The following TTC6 variants were observed in gnomAD, a reference collection of about 807,000 sequenced individuals.
TTC6 encodes tetratricopeptide repeat protein 6.
Under a neutral mutation model 210.4 loss-of-function variants are expected in TTC6, and 172 were observed. The ratio of observed to expected loss-of-function variants is 0.82; its 90% CI spans 0.72 to 0.93. The LOEUF is 0.93. Ranked by LOEUF, TTC6 falls within the 40% of genes least tolerant of loss-of-function variation. The pLI, the probability that TTC6 is intolerant of heterozygous loss-of-function variation, is 0.00. For synonymous variants in TTC6, 804 were observed against 819.6 expected (o/e 0.98, Z 0.32); for missense variants, 2,414 against 2,318.1 (o/e 1.04, Z -0.85).
upstream of TTC6, among the ~76,000 whole-genome samples, chr14:37,619,683 T>C (rs1595017924): frequency 6.6e-6 from 1 of 152,176 alleles, no homozygotes; most frequent in African/African-American, 2.4e-5. Flanking sequence ...AGTGTAGCTA[T>C]TGATTTTAGC....
rs528890428 is a variant in TTC6 at position 37,659,661 on chromosome 14, C to T, written c.940-20490C>T. ...CCAGCCTCCCGAACAACTGGGATTACAGGCACATGCTACCATGTCCAGCTA... is the reference window on the plus strand; with the variant it reads ...CCAGCCTCCCGAACAACTGGGATTATAGGCACATGCTACCATGTCCAGCTA... On this transcript the variant is annotated intron_variant, in intron 1 of 30. Coordinates refer to ENST00000553443, the Ensembl canonical transcript of TTC6. 2.6e-5 allele frequency among the ~76,000 whole-genome samples: 4 copies of T among 152,224 alleles called. No individual in the cohort carries two copies. In the South Asian group the frequency reaches 8.3e-4, roughly 32 times the overall value.
exon 1 of TTC6, chr14:37,622,326 G>C: frequency 1.3e-6 from 2 of 1,533,326 alleles, no homozygotes; most frequent in South Asian, 1.2e-5. Flanking sequence ...GTCCGCGGCC[G>C]CCCTCCTGCA....
chr14:37,726,163 A>G (rs563656206), intron 7 of TTC6, among the ~76,000 whole-genome samples: 25 of 151,948 alleles, frequency 1.6e-4, no homozygotes, highest in Non-Finnish European at 3.4e-4. Flanking sequence ...ATTCAGGATT[A>G]TTTTATTTGC....
At chr14:37,691,191 G>A (rs2095802962) in intron 3 of TTC6, among the ~76,000 whole-genome samples, 1 of 152,048 alleles carries the variant, frequency 6.6e-6, no homozygotes, top group African/African-American at 2.4e-5. Flanking sequence ...TTAGCCAGGT[G>A]TGCTGATGCA....
intron 24 of TTC6, among the ~76,000 whole-genome samples, chr14:37,809,348 G>A (rs1333240509): frequency 6.7e-6 from 1 of 148,442 alleles, no homozygotes; most frequent in African/African-American, 2.5e-5. Flanking sequence ...CGCCTCCCGG[G>A]TTCACGCCAT....
At chr14:37,673,509 G>C (rs553045650) in intron 1 of TTC6, among the ~76,000 whole-genome samples, 29 of 152,174 alleles carry the variant, frequency 1.9e-4, no homozygotes, top group South Asian at 4.1e-4. Context: ...GTGTCATTTG[G>C]GGAGAACCTG....
chr14:37,771,959 T>C (rs1403614180), intron 14 of TTC6, among the ~76,000 whole-genome samples: 2 of 152,188 alleles, frequency 1.3e-5, no homozygotes, highest in Admixed American at 6.5e-5. Context: ...TCTTTGATGA[T>C]GGTGATGTAC....
At chr14:37,666,571 A>G (rs555452431) in intron 1 of TTC6, among the ~76,000 whole-genome samples, 2 of 150,016 alleles carry the variant, frequency 1.3e-5, no homozygotes, top group East Asian at 3.9e-4. Context: ...CACCGAGGAG[A>G]TTTCTTGCTT....
At chr14:37,777,020 C>T (rs2096039847) in intron 14 of TTC6, among the ~76,000 whole-genome samples, 1 of 152,094 alleles carries the variant, frequency 6.6e-6, no homozygotes, top group Non-Finnish European at 1.5e-5. Flanking sequence ...CATTAGCTAC[C>T]TTTAGCATTT....
intron 18 of TTC6, 98 bp from the exon 21 acceptor site, chr14:37,796,195 TG>T: frequency 1.9e-6 from 1 of 519,624 alleles, no homozygotes; most frequent in Non-Finnish European, 3.4e-6. Flanking sequence ...TAAATAAGAA[TG>T]AATATATTGT....
At chr14:37,724,503 T>C (rs1481963412) in intron 6 of TTC6, among the ~76,000 whole-genome samples, 1 of 152,208 alleles carries the variant, frequency 6.6e-6, no homozygotes, top group East Asian at 1.9e-4. Context: ...ACTCTATTAA[T>C]GGACATTTAG....
chr14:37,769,353 A>T (rs1335377993), intron 14 of TTC6, among the ~76,000 whole-genome samples: 3 of 151,390 alleles, frequency 2.0e-5, no homozygotes, highest in Admixed American at 6.6e-5. Context: ...TTTTCTATTG[A>T]TTGGAATAGT....
In TTC6 at chr14:37,792,466, G is replaced by T. The variant is rs4627237; in HGVS notation, c.3708+52G>T. ...TTTTTAAAAAAACTTTAATTTTCTG[G>T]ATATTTGTTCAACATAATTTTAATA... On this transcript the variant is annotated intron_variant, in intron 17 of 30. Transcript: ENST00000553443. 1,214 of 1,367,324 alleles carry T rather than the reference G, an allele frequency of 8.9e-4. 12 individuals are homozygous for T. In the African/African-American group the frequency reaches 0.016, roughly 18 times the overall value. 84.7% of individuals were successfully genotyped at this position (1,367,324 alleles called of 1,614,324 possible). A position where few individuals can be genotyped will look rare whatever the true frequency, so the allele number is the denominator to read the frequency against.
At chr14:37,831,426 T>C (rs1400678079) in intron 29 of TTC6, among the ~76,000 whole-genome samples, 1 of 152,142 alleles carries the variant, frequency 6.6e-6, no homozygotes, top group African/African-American at 2.4e-5. Context: ...TTTCCTTTGT[T>C]ATGGATATAT....
At chr14:37,654,319 G>A (rs1051821618) in intron 1 of TTC6, among the ~76,000 whole-genome samples, 4 of 152,038 alleles carry the variant, frequency 2.6e-5, no homozygotes, top group African/African-American at 2.4e-5. Context: ...CCCATTTTCC[G>A]TGATGTGGTT....
chr14:37,601,759 G>T (rs1321752430), intron 1 of TTC6, among the ~76,000 whole-genome samples: 1 of 152,122 alleles, frequency 6.6e-6, no homozygotes, highest in African/African-American at 2.4e-5. Context: ...CCTTTCCTGG[G>T]CACCTGGACG....
chr14:37,785,516 G>A (rs1281207093), intron 14 of TTC6, among the ~76,000 whole-genome samples: 1 of 152,112 alleles, frequency 6.6e-6, no homozygotes, highest in East Asian at 1.9e-4. Flanking sequence ...TTAGCCATTC[G>A]TGTAATCTTT....
chr14:37,790,797 C>A, exon 16 of TTC6: 2 of 1,534,548 alleles, frequency 1.3e-6, no homozygotes, highest in Non-Finnish European at 1.7e-6. Flanking sequence ...ACTTTGGCTG[C>A]TGGCAATTTG....
At chr14:37,673,358 A>G (rs2095762225) in intron 1 of TTC6, among the ~76,000 whole-genome samples, 1 of 152,188 alleles carries the variant, frequency 6.6e-6, no homozygotes, top group East Asian at 1.9e-4. Flanking sequence ...TTAGGGCCAT[A>G]CAATGCCTTT....
Sources: allele counts gnomAD v4.1 joint callset (sites outside exome capture counted in the v4.1 genomes callset), GRCh38; gene constraint gnomAD v4.1.1; transcripts MANE v1.5; gene names NCBI Gene and HGNC (gene_info 2026-07-23, HGNC 2026-07-21).